CNTN1: variants seen among roughly 807,000 people sequenced by gnomAD.
The protein encoded by CNTN1 is contactin-1.
Under a neutral mutation model 126.4 loss-of-function variants are expected in CNTN1, and 38 were observed. The observed-to-expected ratio is 0.30, with a 90% CI of 0.23 to 0.39. The LOEUF (loss-of-function observed/expected upper bound fraction) is 0.39. Among genes scored for constraint, CNTN1 ranks in the 10% least tolerant of loss-of-function variants. The probability of loss-of-function intolerance (pLI) is 1.00; values close to 1 mark genes in which losing one functional copy is unlikely to be tolerated. For synonymous variants in CNTN1, 413 were observed against 422.6 expected, an observed-to-expected ratio of 0.98 and a Z score of 0.28; for missense variants, 1,009 against 1,248.4, an observed-to-expected ratio of 0.81 and a Z score of 2.89.
chr12:40,881,428 T>C (rs985138050), intron 1 of CNTN1, among the ~76,000 whole-genome samples: 3 of 151,988 alleles, frequency 2.0e-5, no homozygotes, highest in Admixed American at 2.0e-4. Flanking sequence ...GATGTTTTCA[T>C]AGTTACACAT....
chr12:40,947,776 TATATATACAC>T (rs1211004742), intron 14 of CNTN1, among the ~76,000 whole-genome samples: 3 of 89,620 alleles, frequency 3.3e-5, no homozygotes, highest in Non-Finnish European at 6.2e-5. Context: ...TATATATATA[TATATATACAC>T]ACACACACAC....
intron 1 of CNTN1, among the ~76,000 whole-genome samples, chr12:40,716,200 A>G (rs1942041423): frequency 6.6e-6 from 1 of 150,956 alleles, no homozygotes; most frequent in African/African-American, 2.4e-5. Flanking sequence ...TTGCAAGGGT[A>G]CTAGATGCTT....
intron 1 of CNTN1, among the ~76,000 whole-genome samples, chr12:40,797,054 A>C (rs1940465187): frequency 6.6e-6 from 1 of 152,112 alleles, no homozygotes; most frequent in South Asian, 2.1e-4. Context: ...GCACCTAATA[A>C]AATTATATCT....
At chr12:40,884,643 A>G (rs939064909) in intron 1 of CNTN1, among the ~76,000 whole-genome samples, 6 of 151,504 alleles carry the variant, frequency 4.0e-5, no homozygotes, top group Non-Finnish European at 5.9e-5. Flanking sequence ...TGCAAATTTT[A>G]TCAAATAAAA....
intron 7 of CNTN1, among the ~76,000 whole-genome samples, chr12:40,930,472 G>A (rs144790244): frequency 2.3e-4 from 35 of 151,966 alleles, no homozygotes; most frequent in African/African-American, 8.4e-4. Flanking sequence ...TAAATAAATG[G>A]TCTTTTCTAA....
chr12:41,029,008 G>A (rs1949089626), intron 22 of CNTN1, 55 bp from the exon 23 acceptor site: 1 of 1,515,066 alleles, frequency 6.6e-7, no homozygotes, highest in African/African-American at 1.4e-5. Context: ...TAGTGTTAGA[G>A]CATTGGCTCA....
At chr12:40,907,291 A>G (rs1165676034) in intron 1 of CNTN1, among the ~76,000 whole-genome samples, 1 of 152,172 alleles carries the variant, frequency 6.6e-6, no homozygotes, top group East Asian at 1.9e-4. Flanking sequence ...AATGATTAAC[A>G]CTTTTTCACG....
At chr12:40,940,274 C>T (rs1020987277) in intron 12 of CNTN1, among the ~76,000 whole-genome samples, 7 of 151,934 alleles carry the variant, frequency 4.6e-5, no homozygotes. Flanking sequence ...TAAGAAATTG[C>T]AGAAACTGAA....
chr12:40,726,028 A>G (rs1364472346), intron 1 of CNTN1, among the ~76,000 whole-genome samples: 2 of 152,158 alleles, frequency 1.3e-5, no homozygotes, highest in African/African-American at 2.4e-5. Context: ...TGATGAGAAG[A>G]CATCAATACA....
rs74783666 is a variant in CNTN1, at chr12:40,917,944, C to A, written c.95-695C>A. Among the ~76,000 whole-genome samples the A allele has an allele frequency of 6.7e-4, 102 of 152,230 alleles. 1 individual carries two copies. In the East Asian group the frequency reaches 0.018, roughly 27 times the overall value. On this transcript the variant is annotated intron_variant, in intron 3 of 23. Transcript: ENST00000551295. ...TGGTGCTGAGTGCCAACGCTAGTCA[C>A]ATGTTTAGAAAAAAATCAACAAAAA...
intron 12 of CNTN1, among the ~76,000 whole-genome samples, chr12:40,940,694 G>A (rs576771347): frequency 3.9e-5 from 6 of 152,202 alleles, no homozygotes; most frequent in African/African-American, 1.2e-4. Flanking sequence ...GCACAGGCAC[G>A]GCTGTTTATG....
At chr12:40,778,063 T>G (rs1036482993) in intron 1 of CNTN1, among the ~76,000 whole-genome samples, 5 of 151,824 alleles carry the variant, frequency 3.3e-5, no homozygotes, top group Non-Finnish European at 7.4e-5. Context: ...TCTTCAGGAA[T>G]ATTTATTTGA....
chr12:40,808,153 G>T (rs1316586931), intron 1 of CNTN1, among the ~76,000 whole-genome samples: 2 of 152,104 alleles, frequency 1.3e-5, no homozygotes. Context: ...CTCAACTTTT[G>T]CCTATCCATA....
At chr12:40,748,899 T>C (rs1050896633) in intron 1 of CNTN1, among the ~76,000 whole-genome samples, 9 of 152,078 alleles carry the variant, frequency 5.9e-5, no homozygotes, top group Non-Finnish European at 1.3e-4. Context: ...AAATTTTAAG[T>C]GCGATATATA....
At chr12:40,784,598 C>A (rs559952713) in intron 1 of CNTN1, among the ~76,000 whole-genome samples, 84 of 152,056 alleles carry the variant, frequency 5.5e-4, no homozygotes, top group South Asian at 3.5e-3. Flanking sequence ...AAGCAGGGAC[C>A]CTGAGAGGCA....
intron 1 of CNTN1, among the ~76,000 whole-genome samples, chr12:40,791,795 T>G (rs959263260): frequency 2.0e-5 from 3 of 152,122 alleles, no homozygotes; most frequent in Non-Finnish European, 2.9e-5. Flanking sequence ...ACCCACATCT[T>G]CCCACTGAGC....
chr12:40,744,083 A>G (rs1938064879), intron 1 of CNTN1, among the ~76,000 whole-genome samples: 1 of 152,064 alleles, frequency 6.6e-6, no homozygotes, highest in South Asian at 2.1e-4. Context: ...AAGCTGAACA[A>G]TGAGAACACA....
At chr12:41,069,010 T>G (rs147451481) in intron 23 of CNTN1, among the ~76,000 whole-genome samples, 1 of 152,152 alleles carries the variant, frequency 6.6e-6, no homozygotes, top group Admixed American at 6.5e-5. Context: ...AATAATTAAT[T>G]TATTTAAAAA....
chr12:40,961,697 T>C (rs1418972532), intron 15 of CNTN1, among the ~76,000 whole-genome samples: 1 of 152,064 alleles, frequency 6.6e-6, no homozygotes, highest in Non-Finnish European at 1.5e-5. Context: ...AAAAAGCTAA[T>C]CTATTTTTTA....
Sources: gnomAD v4.1 joint callset for allele counts (sites outside exome capture counted in the v4.1 genomes callset) on GRCh38, gnomAD v4.1.1 for gene constraint, MANE v1.5 for transcripts, NCBI Gene and HGNC (gene_info 2026-07-23, HGNC 2026-07-21) for gene names.